ARHGAP12: variants seen among roughly 807,000 people sequenced by gnomAD.
The protein encoded by ARHGAP12 is Rho GTPase activating protein 12.
Under a neutral mutation model 108.6 loss-of-function variants are expected in ARHGAP12, and 64 were observed. That is an observed-to-expected ratio of 0.59 (90% CI 0.48 to 0.73). ARHGAP12 has a LOEUF of 0.73. ARHGAP12 is among the 30% of genes least tolerant of loss of function. The probability of loss-of-function intolerance (pLI) is 0.00; values close to 1 mark genes in which losing one functional copy is unlikely to be tolerated. For missense variants in ARHGAP12, 940 were observed against 1,005.9 expected, an observed-to-expected ratio of 0.93 and a Z score of 0.89; for synonymous variants, 312 against 337.2, an observed-to-expected ratio of 0.93 and a Z score of 0.82.
At chr10:31,915,521 T>C (rs1839518148) in intron 1 of ARHGAP12, among the ~76,000 whole-genome samples, 1 of 147,264 alleles carries the variant, frequency 6.8e-6, no homozygotes, top group Non-Finnish European at 1.5e-5. Flanking sequence ...AGAGATCTAT[T>C]GTACAGCAAG....
At chr10:31,844,665 C>G (rs2132242185) in intron 6 of ARHGAP12, among the ~76,000 whole-genome samples, 1 of 150,180 alleles carries the variant, frequency 6.7e-6, no homozygotes, top group South Asian at 2.1e-4. Context: ...ATTTGAGTAG[C>G]TGGGACTACA....
chr10:31,880,057 T>A (rs1837879387), intron 3 of ARHGAP12, among the ~76,000 whole-genome samples: 1 of 152,380 alleles, frequency 6.6e-6, no homozygotes, highest in African/African-American at 2.4e-5. Context: ...ATATGCTCTC[T>A]GCTCATCATC....
chr10:31,927,993 C>T (rs1279599433), intron 1 of ARHGAP12, among the ~76,000 whole-genome samples: 1 of 152,224 alleles, frequency 6.6e-6, no homozygotes, highest in African/African-American at 2.4e-5. Flanking sequence ...GTCCATCCAG[C>T]AGGGGCAGGG....
At position 31,854,150 on chromosome 10, in the gene ARHGAP12, C is replaced by T. The variant is rs1405294624; in HGVS notation, c.1005G>A (p.Gln335=). 6.2e-7 allele frequency: 1 copy of T among 1,613,762 alleles called. No homozygotes were observed. The highest frequency in any genetic ancestry group is 1.1e-5 in the South Asian group (1 of 91,006). Residue 335 remains glutamine (Q), a synonymous_variant, in exon 5 of 20, where the codon CAG becomes CAA. Coordinates refer to ENST00000344936, the MANE Select transcript of ARHGAP12 (RefSeq NM_018287.7). ...YSTSYSQSDS[Q]CGSPPRGWSE... is the part of the protein sequence containing the mutation. ...ACCAACCCCTTGGAGGAGAACCACA[C>T]TGACTATCTGACTGGCTGTAAGAAG...
intron 3 of ARHGAP12, among the ~76,000 whole-genome samples, chr10:31,881,546 A>C (rs1189838280): frequency 6.6e-6 from 1 of 152,224 alleles, no homozygotes; most frequent in Non-Finnish European, 1.5e-5. Flanking sequence ...GCAACAACAG[A>C]AACAATAAAC....
rs543769902 is a variant in ARHGAP12, at chr10:31,908,811, C to T, written c.45G>A (p.Val15=). The change falls in exon 3 of 20, where the codon GTG becomes GTA. Residue 15 remains valine (V), a synonymous_variant. Transcript: ENST00000344936. ...CATAATCATATTCCACCTCAATATACACTTGTCCTGGAATAATCTTCCCAC... is the reference window on the plus strand; with the variant it reads ...CATAATCATATTCCACCTCAATATATACTTGTCCTGGAATAATCTTCCCAC... ...DRSGKIIPGQ[V]YIEVEYDYEY... 1 of 1,605,298 alleles carries T rather than the reference C, an allele frequency of 6.2e-7. No homozygotes were observed. The highest frequency in any genetic ancestry group is 1.3e-5 in the African/African-American group (1 of 74,982).
intron 3 of ARHGAP12, among the ~76,000 whole-genome samples, chr10:31,900,833 A>AT (rs34680422): frequency 2.0e-5 from 3 of 150,838 alleles, no homozygotes; most frequent in African/African-American, 7.3e-5. Flanking sequence ...ATGTATGCAA[A>AT]TTTTTTTTTT....
At position 31,861,621 on chromosome 10, in the gene ARHGAP12, G is replaced by A; in HGVS notation, c.722C>T (p.Pro241Leu). The A allele has an allele frequency of 6.2e-7, 1 of 1,611,348 alleles. No homozygotes were observed. Among genetic ancestry groups the A allele is most frequent in the Non-Finnish European group, 8.5e-7 (1 of 1,179,134 alleles). The change falls in exon 4 of 20, where the codon CCT becomes CTT. Residue 241 changes from proline to leucine, a missense_variant. By Grantham distance (98) the Pro-to-Leu change is moderately conservative. Coordinates refer to ENST00000344936, the MANE Select transcript of ARHGAP12 (RefSeq NM_018287.7). ...CAGTTCTTGAAGGTTAGCATAGACAGGAGAATCTGGCCTTCCTTGATTTGG... is the reference window on the plus strand; with the variant it reads ...CAGTTCTTGAAGGTTAGCATAGACAAGAGAATCTGGCCTTCCTTGATTTGG... Reference protein sequence around the residue: ...TPPNQGRPDSPVYANLQELKI... With the variant: ...TPPNQGRPDSLVYANLQELKI...
chr10:31,839,325 GA>G lies in ARHGAP12; in HGVS notation c.1372-7del. 3 of 1,605,928 alleles carry G rather than the reference GA, an allele frequency of 1.9e-6. No individual in the cohort carries two copies. The highest frequency in any genetic ancestry group is 1.1e-5 in the South Asian group (1 of 89,886). ...CTTACCTTTGGACTGCTGGCCTGAG[GA>G]AAAAAAGAGTAAAGTATAATGTCAT... On this transcript the variant is annotated splice_polypyrimidine_tract_variant and splice_region_variant and intron_variant, in intron 8 of 19. Coordinates refer to ENST00000344936, the MANE Select transcript of ARHGAP12 (RefSeq NM_018287.7).
chr10:31,816,084 GA>G, intron 13 of ARHGAP12, among the ~76,000 whole-genome samples: 1 of 152,066 alleles, frequency 6.6e-6, no homozygotes, highest in Admixed American at 6.5e-5. Flanking sequence ...CCAGGAGACG[GA>G]GGTTGCCGTG....
intron 3 of ARHGAP12, among the ~76,000 whole-genome samples, chr10:31,895,264 T>C (rs1201941885): frequency 6.6e-6 from 1 of 152,192 alleles, no homozygotes; most frequent in East Asian, 1.9e-4. Flanking sequence ...CGAATTAAAC[T>C]AAAGAGCTTC....
chr10:31,829,047 G>C (rs1180183356), intron 10 of ARHGAP12, among the ~76,000 whole-genome samples: 4 of 152,140 alleles, frequency 2.6e-5, no homozygotes, highest in Non-Finnish European at 5.9e-5. Context: ...AGCTACTTGG[G>C]AGGCTGAGGC....
intron 3 of ARHGAP12, among the ~76,000 whole-genome samples, chr10:31,885,537 G>T (rs561162808): frequency 1.1e-3 from 173 of 152,230 alleles, no homozygotes; most frequent in Non-Finnish European, 2.0e-3. Context: ...ACAGACAAAT[G>T]GCCAGGCATG....
intron 10 of ARHGAP12, among the ~76,000 whole-genome samples, 187 bp from the exon 11 acceptor site, chr10:31,826,572 C>A (rs1317238964): frequency 1.3e-5 from 2 of 152,150 alleles, no homozygotes; most frequent in African/African-American, 4.8e-5. Flanking sequence ...CAAACCTGAT[C>A]ATGAAGGCCC....
intron 1 of ARHGAP12, chr10:31,913,523 C>G (rs989899920): frequency 4.2e-5 from 7 of 166,076 alleles, no homozygotes; most frequent in African/African-American, 1.5e-4. Flanking sequence ...TGTAAAGAAA[C>G]TGGGAGAGCT....
chr10:31,893,220 A>G (rs1197123885), intron 3 of ARHGAP12, among the ~76,000 whole-genome samples: 7 of 152,208 alleles, frequency 4.6e-5, no homozygotes. Context: ...CACATTCAAA[A>G]GCTTGCAGAA....
chr10:31,923,139 A>AAAAC (rs1386853177), intron 1 of ARHGAP12, among the ~76,000 whole-genome samples: 47 of 151,022 alleles, frequency 3.1e-4, no homozygotes, highest in African/African-American at 1.1e-3. Context: ...CAGGAAAAAA[A>AAAAC]AAAAAAAAAA....
intron 9 of ARHGAP12, 85 bp from the exon 10 acceptor site, chr10:31,831,885 G>C (rs990607619): frequency 1.2e-4 from 83 of 716,894 alleles, no homozygotes; most frequent in Non-Finnish European, 1.1e-4. Flanking sequence ...ACATGGTCTC[G>C]TTCTCTAAAA....
At chr10:31,850,383 C>T (rs935587619) in intron 6 of ARHGAP12, among the ~76,000 whole-genome samples, 2 of 152,184 alleles carry the variant, frequency 1.3e-5, no homozygotes, top group African/African-American at 4.8e-5. Flanking sequence ...AGAACCAATC[C>T]CTGTTATACA....
Sources: allele counts gnomAD v4.1 joint callset (sites outside exome capture counted in the v4.1 genomes callset), GRCh38; gene constraint gnomAD v4.1.1; transcripts MANE v1.5; gene names NCBI Gene and HGNC (gene_info 2026-07-23, HGNC 2026-07-21).